KIF26B: variants seen among roughly 807,000 people sequenced by gnomAD.
KIF26B encodes kinesin family member 26B.
A neutral mutation model predicts 151.2 loss-of-function variants in KIF26B; 63 were observed. The ratio of observed to expected loss-of-function variants is 0.42; its 90% confidence interval spans 0.34 to 0.51. The LOEUF (loss-of-function observed/expected upper bound fraction) is 0.51. Ranked by LOEUF, KIF26B falls within the 20% of genes least tolerant of loss-of-function variation. KIF26B has a pLI of 0.07. For missense variants in KIF26B, 2,813 were observed against 2,913.6 expected (o/e 0.97, Z 0.79); for synonymous variants, 1,357 against 1,262.1 (o/e 1.08, Z -1.59).
Position 245,540,352 on chromosome 1 carries a change from A to G in KIF26B, c.1167-415A>G, listed in dbSNP as rs1007906950. On this transcript the variant is annotated intron_variant, in intron 4 of 14. Transcript: ENST00000407071. The surrounding 1 kb of genome is among the most constrained non-coding windows in gnomAD (Gnocchi z 4.6). ...ATCGTTCTTCATCAGACTGGTTTGG[A>G]TTTTACAAGGTGTTAGAGTTTTTAA... is the stretch of plus-strand genomic sequence containing the variant. Among the ~76,000 whole-genome samples, 2 of 152,040 alleles carry G rather than the reference A, an allele frequency of 1.3e-5. No individual in the cohort carries two copies.
intron 4 of KIF26B, among the ~76,000 whole-genome samples, chr1:245,458,598 A>T (rs1318144149): frequency 6.6e-6 from 1 of 152,194 alleles, no homozygotes; most frequent in Non-Finnish European, 1.5e-5. Flanking sequence ...CCTAGAGTAG[A>T]CGCTCATAAT....
intron 2 of KIF26B, among the ~76,000 whole-genome samples, chr1:245,258,706 C>T (rs552249431): frequency 8.4e-4 from 127 of 152,048 alleles, no homozygotes; most frequent in South Asian, 1.2e-3. Flanking sequence ...TGGGGTTTGC[C>T]AAGGATAACC....
At chr1:245,155,904 C>A (rs1009489836) in intron 1 of KIF26B, among the ~76,000 whole-genome samples, 1 of 151,992 alleles carries the variant, frequency 6.6e-6, no homozygotes, top group Non-Finnish European at 1.5e-5. Flanking sequence ...CTCCCCCTAC[C>A]CCCCCCATAG....
intron 4 of KIF26B, among the ~76,000 whole-genome samples, chr1:245,453,992 G>A (rs1355089051): frequency 6.6e-6 from 1 of 152,182 alleles, no homozygotes; most frequent in African/African-American, 2.4e-5. Flanking sequence ...GACCTGGGAA[G>A]GGCGGGTTTC....
At chr1:245,671,023 C>T (rs1334499762) in intron 10 of KIF26B, among the ~76,000 whole-genome samples, 1 of 152,144 alleles carries the variant, frequency 6.6e-6, no homozygotes, top group Admixed American at 6.6e-5. Context: ...CCTCTGGTAA[C>T]CATCCTTCTA....
intron 2 of KIF26B, among the ~76,000 whole-genome samples, chr1:245,307,844 A>T (rs1035841730): frequency 6.6e-6 from 1 of 151,242 alleles, no homozygotes; most frequent in Non-Finnish European, 1.5e-5. Context: ...GGGTTCACGC[A>T]ATTCTCCTGC....
intron 4 of KIF26B, among the ~76,000 whole-genome samples, chr1:245,454,596 A>T (rs927392769): frequency 1.3e-5 from 2 of 152,128 alleles, no homozygotes; most frequent in African/African-American, 2.4e-5. Flanking sequence ...TTCCATTGGG[A>T]GCCTTCATAC....
At chr1:245,225,630 G>A (rs141287915) in intron 2 of KIF26B, among the ~76,000 whole-genome samples, 25 of 152,240 alleles carry the variant, frequency 1.6e-4, no homozygotes, top group East Asian at 9.6e-4. Flanking sequence ...TTCTTCCCTC[G>A]TCTTCCAAGT....
Position 245,664,512 on chromosome 1 carries a change from C to T in KIF26B, c.2258+18232C>T, listed in dbSNP as rs990110237. ...GTAAGGAGATCATATAACTTATTAT[C>T]GAAGCCACTTTTGAGAGTGAAAAGG... On this transcript the variant is annotated intron_variant, in intron 10 of 14. Coordinates refer to ENST00000407071, the MANE Select transcript of KIF26B (RefSeq NM_018012.4). Among the ~76,000 whole-genome samples the T allele has an allele frequency of 2.6e-5, 4 of 152,106 alleles. No individual in the cohort carries two copies. The East Asian group carries it at 5.8e-4, about 22-fold the overall frequency.
At chr1:245,288,020 AC>A (rs1481360300) in intron 2 of KIF26B, among the ~76,000 whole-genome samples, 14 of 152,068 alleles carry the variant, frequency 9.2e-5, no homozygotes, top group Admixed American at 5.2e-4. Flanking sequence ...TGGGAAATCC[AC>A]CAGCAGAATC....
rs550539370 is a variant in KIF26B at position 245,649,682 on chromosome 1, A to AC, written c.2258+3410dup. ...ATTCCATATTCTCTTTCCTTCCCCC[A>AC]CCCCCCCCAAAAAACACAGACACCC... On this transcript the variant is annotated intron_variant, in intron 10 of 14. Coordinates refer to ENST00000407071, the MANE Select transcript of KIF26B (RefSeq NM_018012.4). Among the ~76,000 whole-genome samples, 760 of 128,882 alleles carry AC rather than the reference A, an allele frequency of 5.9e-3. 5 individuals carry two copies. Among genetic ancestry groups the AC allele is most frequent in the Middle Eastern group, 0.044 (11 of 252 alleles). 84.6% of individuals were successfully genotyped at this position (128,882 alleles called of 152,430 possible).
At chr1:245,326,579 G>A (rs891176702) in intron 2 of KIF26B, among the ~76,000 whole-genome samples, 1 of 152,094 alleles carries the variant, frequency 6.6e-6, no homozygotes, top group Admixed American at 6.6e-5. Context: ...TGACTTCTAC[G>A]AAGAGCCCAG....
At chr1:245,394,981 T>A (rs1093912) in intron 3 of KIF26B, among the ~76,000 whole-genome samples, 2 of 151,772 alleles carry the variant, frequency 1.3e-5, no homozygotes, top group Non-Finnish European at 2.9e-5. Flanking sequence ...GACTGAGCCA[T>A]CACGCCCAGC....
At chr1:245,333,720 G>A (rs1176547005) in intron 2 of KIF26B, among the ~76,000 whole-genome samples, 1 of 152,144 alleles carries the variant, frequency 6.6e-6, no homozygotes, top group Non-Finnish European at 1.5e-5. Context: ...TCCTCAGGCC[G>A]GGTGTGGTGG....
rs1178482581 is a variant in KIF26B, at chr1:245,419,814, G to T, written c.1166+69G>T. On this transcript the variant is annotated intron_variant, in intron 4 of 14. Coordinates refer to ENST00000407071, the MANE Select transcript of KIF26B (RefSeq NM_018012.4). ...GCTGGTTAGCCCCTCACGTGGACTA[G>T]CTCAGCTGAAACACTAGAAAGAGTT... 4.3e-6 allele frequency: 6 copies of T among 1,387,822 alleles called. No homozygotes were observed. In the African/African-American group the frequency reaches 8.7e-5, roughly 20 times the overall value. 86.0% of individuals were successfully genotyped at this position (1,387,822 alleles called of 1,614,324 possible).
chr1:245,246,405 A>G (rs1000220757), intron 2 of KIF26B, among the ~76,000 whole-genome samples: 8 of 152,236 alleles, frequency 5.3e-5, no homozygotes, highest in African/African-American at 1.7e-4. Context: ...GCTGGTACAC[A>G]TACAGGTGGC....
chr1:245,555,358 G>C (rs543500201), intron 5 of KIF26B, among the ~76,000 whole-genome samples: 1 of 152,120 alleles, frequency 6.6e-6, no homozygotes, highest in East Asian at 1.9e-4. Flanking sequence ...CGAGTGCTCC[G>C]GGACGCTTCT....
At position 245,455,871 on chromosome 1, in the gene KIF26B, A is replaced by G. The variant is rs1226618469; in HGVS notation, c.1166+36126A>G. Among the ~76,000 whole-genome samples the G allele has an allele frequency of 3.3e-5, 5 of 152,352 alleles. No individual in the cohort carries two copies. The South Asian group carries it at 1.0e-3, about 32-fold the overall frequency. ...GACATTCAGCCACTCAGCACTGGGT[A>G]TGATCTTCCCTTAACCTATTCCCGT... On this transcript the variant is annotated intron_variant, in intron 4 of 14. Coordinates refer to ENST00000407071, the MANE Select transcript of KIF26B (RefSeq NM_018012.4).
At chr1:245,590,139 G>C (rs2043271627) in intron 5 of KIF26B, among the ~76,000 whole-genome samples, 1 of 149,452 alleles carries the variant, frequency 6.7e-6, no homozygotes, top group Admixed American at 6.6e-5. Context: ...GGGGGGTGGG[G>C]GTGCCCAACG....
Sources: allele counts gnomAD v4.1 joint callset (sites outside exome capture counted in the v4.1 genomes callset), GRCh38; gene constraint gnomAD v4.1.1; non-coding constraint Gnocchi (gnomAD v3.1); transcripts MANE v1.5; gene names NCBI Gene and HGNC (gene_info 2026-07-23, HGNC 2026-07-21).